SLC7A5: variants seen among roughly 807,000 people sequenced by gnomAD.
SLC7A5 encodes solute carrier family 7 member 5.
SLC7A5 carries 23 observed loss-of-function variants against 50.2 expected under a neutral mutation model. The ratio of observed to expected loss-of-function variants is 0.46; its 90% CI spans 0.33 to 0.65. The LOEUF is 0.65. Among genes scored for constraint, SLC7A5 ranks in the 30% least tolerant of loss-of-function variants. The pLI is 0.02. For missense variants in SLC7A5, 578 were observed against 684.4 expected (o/e 0.84, Z 1.73); for synonymous variants, 393 against 330.6 (o/e 1.19, Z -2.05).
In SLC7A5 at chr16:87,838,705, T is replaced by C. The variant is rs2055043537; in HGVS notation, c.1043+9A>G. On this transcript the variant is annotated intron_variant, in intron 6 of 9. Coordinates refer to ENST00000261622, the MANE Select transcript of SLC7A5 (RefSeq NM_003486.7). ...CTCCCTCACCTGTGGTGGGTCGGGC[T>C]GTGCTCACCTGGAGGATGTGAACAG... is the stretch of plus-strand genomic sequence containing the variant. 4 of 1,607,372 alleles carry C rather than the reference T, an allele frequency of 2.5e-6. No individual in the cohort carries two copies. The highest frequency in any genetic ancestry group is 3.4e-6 in the Non-Finnish European group (4 of 1,174,110).
chr16:87,836,118 G>T (rs902857520), intron 8 of SLC7A5, among the ~76,000 whole-genome samples: 3 of 152,208 alleles, frequency 2.0e-5, no homozygotes, highest in Non-Finnish European at 4.4e-5. Context: ...TCCTCGGGCC[G>T]GGTTCCCTGC....
At chr16:87,854,763 C>T (rs749865582) in intron 1 of SLC7A5, among the ~76,000 whole-genome samples, 8 of 152,242 alleles carry the variant, frequency 5.3e-5, no homozygotes, top group Non-Finnish European at 8.8e-5. Context: ...AGCTGGGGGC[C>T]CCTCCCAGTC....
intron 5 of SLC7A5, 109 bp downstream of exon 5, chr16:87,839,593 C>A (rs1367812710): frequency 1.3e-6 from 2 of 1,544,914 alleles, no homozygotes; most frequent in Admixed American, 3.4e-5. Context: ...CGCGGGGCCC[C>A]CTCTGCGTAG....
chr16:87,844,807 C>T (rs1056476586), intron 2 of SLC7A5, among the ~76,000 whole-genome samples: 3 of 152,078 alleles, frequency 2.0e-5, no homozygotes, highest in Non-Finnish European at 4.4e-5. Context: ...ACCACTCTGG[C>T]CCCTTGGGGC....
At chr16:87,849,652 G>A (rs536161058) in intron 2 of SLC7A5, among the ~76,000 whole-genome samples, 1 of 152,088 alleles carries the variant, frequency 6.6e-6, no homozygotes. Context: ...TGTCACTCAG[G>A]CCCAACCACC....
chr16:87,844,015 C>T (rs1456564799), intron 2 of SLC7A5, among the ~76,000 whole-genome samples: 1 of 150,858 alleles, frequency 6.6e-6, no homozygotes, highest in East Asian at 1.9e-4. Flanking sequence ...GCCACCCAGC[C>T]TCCACACCTG....
chr16:87,843,251 G>C (rs924923005), intron 2 of SLC7A5, among the ~76,000 whole-genome samples: 4 of 152,000 alleles, frequency 2.6e-5, no homozygotes, highest in Non-Finnish European at 4.4e-5. Flanking sequence ...CTACACAGAG[G>C]GTGGCTGCTT....
At position 87,836,500 on chromosome 16, in the gene SLC7A5, T is replaced by C. The variant is rs780895858; in HGVS notation, c.1288A>G (p.Lys430Glu). Residue 430 changes from lysine (K) to glutamate (E), a missense_variant and splice_region_variant, in exon 8 of 10, where the codon AAG becomes GAG. By Grantham distance (56) the Lys-to-Glu change is moderately conservative. Coordinates refer to ENST00000261622, the MANE Select transcript of SLC7A5 (RefSeq NM_003486.7). ...TGAGCGGGAGGCCCCGGGCTCACCT[T>C]GATGGGCCGCTCAAGCTCAGGCTTT... Reference protein sequence around the residue: ...HRKPELERPIKVNLALPVFFI... With the variant: ...HRKPELERPIEVNLALPVFFI... The C allele has an allele frequency of 1.9e-6, 3 of 1,610,738 alleles. No homozygotes were observed. The highest frequency in any genetic ancestry group is 1.3e-5 in the African/African-American group (1 of 75,066).
chr16:87,849,131 C>G (rs1214817907), intron 2 of SLC7A5, among the ~76,000 whole-genome samples: 2 of 152,234 alleles, frequency 1.3e-5, no homozygotes, highest in African/African-American at 2.4e-5. Context: ...CCAGTCGTTG[C>G]AAAATTGAGG....
chr16:87,840,432 T>G lies in SLC7A5; in HGVS notation c.812A>C (p.Tyr271Ser). 1 of 1,611,680 alleles carries G rather than the reference T, an allele frequency of 6.2e-7. No individual in the cohort carries two copies. Among genetic ancestry groups the G allele is most frequent in the Non-Finnish European group, 8.5e-7 (1 of 1,177,710 alleles). ...NFVTEEMINP[Y>S]RNLPLAIIIS... is the part of the protein sequence containing the mutation. Reference sequence around the variant, plus strand: ...CTCCATCCATTCTTGCACGTACCTGTAGGGGTTGATCATTTCCTCTGTGAC... The same window carrying G: ...CTCCATCCATTCTTGCACGTACCTGGAGGGGTTGATCATTTCCTCTGTGAC... The change falls in exon 4 of 10, where the codon TAC becomes TCC. Residue 271 changes from tyrosine (Y) to serine (S), a missense_variant. Transcript: ENST00000261622.
chr16:87,848,529 G>T (rs1057097594), intron 2 of SLC7A5, among the ~76,000 whole-genome samples: 3 of 152,214 alleles, frequency 2.0e-5, no homozygotes, highest in Admixed American at 6.5e-5. Context: ...AGAACCTCAT[G>T]TGACACCTAA....
Position 87,862,919 on chromosome 16 carries a change from C to A in SLC7A5, c.538+5966G>T, listed in dbSNP as rs2143829120. On this transcript the variant is annotated intron_variant, in intron 1 of 9. Transcript: ENST00000261622. This position sits in a 1 kb window ranked among gnomAD's most constrained non-coding sequence, Gnocchi z 5.3. ...CATGGGGAGGAGAGCCACCTCACTC[C>A]AGGGACCCTGGCACCGTCTCCCATG... Among the ~76,000 whole-genome samples, 1 of 152,340 alleles carries A rather than the reference C, an allele frequency of 6.6e-6. No individual in the cohort carries two copies. Among genetic ancestry groups the A allele is most frequent in the African/African-American group, 2.4e-5 (1 of 41,572 alleles).
chr16:87,847,593 C>A (rs537007374), intron 2 of SLC7A5, among the ~76,000 whole-genome samples: 1 of 152,294 alleles, frequency 6.6e-6, no homozygotes, highest in South Asian at 2.1e-4. Flanking sequence ...TCCCGTAACA[C>A]ATGACACCCC....
Position 87,841,028 on chromosome 16 carries a change from A to T in SLC7A5, c.770+22T>A. On this transcript the variant is annotated intron_variant, in intron 3 of 9. Transcript: ENST00000261622. The surrounding 1 kb of genome is among the most constrained non-coding windows in gnomAD (Gnocchi z 4.8). ...GGACTGTATGTCCCCAGACCAAGGG[A>T]CCCAGACATTCCAGAACCTACCATC... 2 of 1,542,658 alleles carry T rather than the reference A, an allele frequency of 1.3e-6. No homozygotes were observed. Among genetic ancestry groups the T allele is most frequent in the Non-Finnish European group, 1.8e-6 (2 of 1,115,496 alleles).
intron 2 of SLC7A5, among the ~76,000 whole-genome samples, chr16:87,851,398 C>T (rs1270914998): frequency 6.6e-6 from 1 of 152,208 alleles, no homozygotes; most frequent in Non-Finnish European, 1.5e-5. Flanking sequence ...CCCTGCCAGG[C>T]CTGGAATGTT....
At chr16:87,836,960 G>C (rs1477331640) in intron 7 of SLC7A5, among the ~76,000 whole-genome samples, 1 of 152,208 alleles carries the variant, frequency 6.6e-6, no homozygotes, top group Non-Finnish European at 1.5e-5. Flanking sequence ...TACATACACA[G>C]CTGGGCTCTG....
intron 2 of SLC7A5, among the ~76,000 whole-genome samples, chr16:87,845,170 C>T (rs887814209): frequency 1.4e-5 from 2 of 139,738 alleles, no homozygotes; most frequent in Admixed American, 6.9e-5. Flanking sequence ...AGGGGCCAAC[C>T]GTGCCACCCA....
chr16:87,848,439 G>C (rs757915559), intron 2 of SLC7A5, among the ~76,000 whole-genome samples: 2 of 152,224 alleles, frequency 1.3e-5, no homozygotes, highest in East Asian at 3.9e-4. Context: ...AACAGCCTGC[G>C]AGTGGACTCA....
At chr16:87,868,369 G>C (rs983083425) in intron 1 of SLC7A5, among the ~76,000 whole-genome samples, 34 of 152,204 alleles carry the variant, frequency 2.2e-4, no homozygotes, top group Admixed American at 1.8e-3. Context: ...GTCACTACCC[G>C]CACACGATGT....
Sources: gnomAD v4.1 joint callset for allele counts (sites outside exome capture counted in the v4.1 genomes callset) on GRCh38, gnomAD v4.1.1 for gene constraint, Gnocchi (gnomAD v3.1) non-coding constraint, MANE v1.5 for transcripts, NCBI Gene and HGNC (gene_info 2026-07-23, HGNC 2026-07-21) for gene names.